BMP2K: variants seen among roughly 807,000 people sequenced by gnomAD.
BMP2K encodes BMP-2-inducible protein kinase.
In BMP2K, 74 loss-of-function variants were observed where a neutral mutation model predicts 116.0. The observed-to-expected ratio is 0.64, with a 90% CI of 0.53 to 0.77. The LOEUF (loss-of-function observed/expected upper bound fraction) is 0.77, where lower values mean the gene tolerates loss of function less well. Ranked by LOEUF, BMP2K falls within the 30% of genes least tolerant of loss-of-function variation. BMP2K has a pLI of 0.00. For missense variants in BMP2K, 1,365 were observed against 1,403.6 expected, an observed-to-expected ratio of 0.97 and a Z score of 0.44; for synonymous variants, 486 against 502.5, an observed-to-expected ratio of 0.97 and a Z score of 0.44.
intron 15 of BMP2K, among the ~76,000 whole-genome samples, chr4:78,908,494 C>G (rs1185349092): frequency 1.3e-5 from 2 of 152,160 alleles, no homozygotes; most frequent in Admixed American, 1.3e-4. Context: ...ACTGAGGGCT[C>G]AGTTTTGGAT....
chr4:78,872,677 C>G lies in BMP2K; in HGVS notation c.1672C>G (p.Gln558Glu). Residue 558 changes from glutamine to glutamate, a missense_variant, in exon 13 of 16, where the codon CAA becomes GAA. Physicochemically the swap from Gln to Glu is conservative, Grantham distance 29. Coordinates refer to ENST00000502613, the MANE Select transcript of BMP2K (RefSeq NM_198892.2). The stretch of plus-strand genomic sequence containing the variant: ...GCTAGCTCAACATCAGCCGTCTCAA[C>G]AACAGGCATCACCTGAATATCTTAC... ...QMLAQHQPSQQQASPEYLTSP... is the reference protein window; with the variant it reads ...QMLAQHQPSQEQASPEYLTSP... 2 of 1,614,144 alleles carry G rather than the reference C, an allele frequency of 1.2e-6. No homozygotes were observed. The highest frequency in any genetic ancestry group is 1.7e-6 in the Non-Finnish European group (2 of 1,179,990).
At chr4:78,795,804 T>A (rs1019236649) in intron 1 of BMP2K, among the ~76,000 whole-genome samples, 4 of 152,190 alleles carry the variant, frequency 2.6e-5, no homozygotes, top group African/African-American at 9.7e-5. Flanking sequence ...ATCATCTCAC[T>A]GGCCATCAGA....
Position 78,910,768 on chromosome 4 carries a change from G to A in BMP2K, c.2221G>A (p.Glu741Lys). The A allele has an allele frequency of 6.2e-7, 1 of 1,613,894 alleles. No individual in the cohort carries two copies. The highest frequency in any genetic ancestry group is 2.2e-5 in the East Asian group (1 of 44,878). The part of the protein sequence containing the change: ...GQVQKGNDES[E>K]SDFESDPPSP... ...AGTGCAAAAGGGGAATGATGAATCT[G>A]AAAGTGATTTTGAATCAGATCCCCC... Residue 741 changes from glutamate to lysine, a missense_variant, in exon 16 of 16, where the codon GAA becomes AAA. Around this residue, in one of 3 missense-constraint regions of BMP2K, gnomAD observed 596 missense variants for 623.2 expected, o/e 0.96. Coordinates refer to ENST00000502613, the MANE Select transcript of BMP2K (RefSeq NM_198892.2).
chr4:78,895,382 T>C (rs556433211), intron 15 of BMP2K, among the ~76,000 whole-genome samples: 12 of 152,358 alleles, frequency 7.9e-5, no homozygotes, highest in Admixed American at 2.6e-4. Context: ...CATTTTGATA[T>C]GCTGAATTTG....
At chr4:78,908,745 T>A (rs956849735) in intron 15 of BMP2K, among the ~76,000 whole-genome samples, 15 of 152,316 alleles carry the variant, frequency 9.8e-5, no homozygotes, top group South Asian at 4.1e-4. Flanking sequence ...ACTCATTTTT[T>A]AAAAAATTAT....
At chr4:78,798,914 T>C (rs1054801702) in intron 1 of BMP2K, among the ~76,000 whole-genome samples, 5 of 152,228 alleles carry the variant, frequency 3.3e-5, no homozygotes, top group African/African-American at 1.2e-4. Context: ...GCACTTACTT[T>C]GTCTGAAATT....
At chr4:78,835,980 CAG>C (rs112144273) in intron 3 of BMP2K, among the ~76,000 whole-genome samples, 12,331 of 151,980 alleles carry the variant, frequency 0.081, 1,650 homozygotes, top group African/African-American at 0.28. Context: ...TGGACCAAAT[CAG>C]TGTTTATTTT....
intron 15 of BMP2K, among the ~76,000 whole-genome samples, chr4:78,893,675 G>A (rs1043861009): frequency 1.4e-4 from 22 of 152,098 alleles, no homozygotes; most frequent in African/African-American, 5.1e-4. Context: ...TGATCCTCCC[G>A]CCTCAGCATC....
intron 7 of BMP2K, among the ~76,000 whole-genome samples, chr4:78,852,709 G>A (rs1454272344): frequency 1.3e-5 from 2 of 152,058 alleles, no homozygotes; most frequent in Non-Finnish European, 2.9e-5. Flanking sequence ...GGCCTCAAGT[G>A]ATCCTCCCAC....
chr4:78,850,697 T>C (rs1390444904), intron 6 of BMP2K, among the ~76,000 whole-genome samples: 1 of 151,948 alleles, frequency 6.6e-6, no homozygotes, highest in Non-Finnish European at 1.5e-5. Context: ...ATTTTTACGA[T>C]ACCATTAATT....
chr4:78,785,385 T>TA (rs1240257688), intron 1 of BMP2K, among the ~76,000 whole-genome samples: 1 of 152,206 alleles, frequency 6.6e-6, no homozygotes, highest in Admixed American at 6.5e-5. Flanking sequence ...GTGCTGGGAT[T>TA]ACAGTCATGA....
chr4:78,856,723 T>C (rs1731521416), intron 7 of BMP2K, among the ~76,000 whole-genome samples: 1 of 152,116 alleles, frequency 6.6e-6, no homozygotes, highest in Non-Finnish European at 1.5e-5. Flanking sequence ...GAATGAAATT[T>C]AGATCTAAAG....
At chr4:78,838,149 G>A (rs1158836681) in intron 3 of BMP2K, among the ~76,000 whole-genome samples, 1 of 152,186 alleles carries the variant, frequency 6.6e-6, no homozygotes, top group South Asian at 2.1e-4. Context: ...GACAGAGAGG[G>A]TTTGTGCAGG....
intron 10 of BMP2K, among the ~76,000 whole-genome samples, chr4:78,866,607 A>G (rs891219210): frequency 1.3e-5 from 2 of 152,172 alleles, no homozygotes; most frequent in African/African-American, 4.8e-5. Context: ...TGTTGTTACT[A>G]TCAAGTAAAG....
chr4:78,802,185 G>A (rs952992876), intron 1 of BMP2K, among the ~76,000 whole-genome samples: 23 of 152,288 alleles, frequency 1.5e-4, no homozygotes, highest in African/African-American at 5.3e-4. Flanking sequence ...TGGTAGTTGT[G>A]GGCAATTTCA....
intron 3 of BMP2K, among the ~76,000 whole-genome samples, chr4:78,842,098 T>C (rs1412010989): frequency 6.6e-6 from 1 of 152,052 alleles, no homozygotes; most frequent in African/African-American, 2.4e-5. Context: ...TAGCTATTTC[T>C]TAAAACCAGT....
chr4:78,900,328 A>C (rs1214882978), intron 15 of BMP2K, among the ~76,000 whole-genome samples: 2 of 152,188 alleles, frequency 1.3e-5, no homozygotes, highest in Non-Finnish European at 2.9e-5. Flanking sequence ...GTTTTTGAGG[A>C]GTTAAAAGTT....
chr4:78,879,216 T>G (rs1374893878), intron 14 of BMP2K: 17 of 1,044,864 alleles, frequency 1.6e-5, no homozygotes, highest in Non-Finnish European at 2.0e-5. Context: ...GGAGACATTT[T>G]ATTATTTTGC....
chr4:78,824,525 C>A (rs1288039712), intron 1 of BMP2K, among the ~76,000 whole-genome samples: 1 of 152,080 alleles, frequency 6.6e-6, no homozygotes, highest in Admixed American at 6.6e-5. Flanking sequence ...GGGAATCTGC[C>A]CCCATGTTTC....
Sources: allele counts gnomAD v4.1 joint callset (sites outside exome capture counted in the v4.1 genomes callset), GRCh38; gene constraint gnomAD v4.1.1; regional missense constraint gnomAD v4.1.1; transcripts MANE v1.5; gene names NCBI Gene and HGNC (gene_info 2026-07-23, HGNC 2026-07-21).